Variants in PI4KA observed in about 807,000 individuals in gnomAD.
The protein encoded by PI4KA is phosphatidylinositol 4-kinase alpha, also known as PI4-kinase alpha.
In PI4KA, 122 loss-of-function variants were observed where a neutral mutation model predicts 271.4. The ratio of observed to expected loss-of-function variants is 0.45; its 90% CI spans 0.39 to 0.52. PI4KA has a LOEUF of 0.52. Among genes scored for constraint, PI4KA ranks in the 20% least tolerant of loss-of-function variants. PI4KA has a pLI of 0.00. For synonymous variants in PI4KA, 1,041 were observed against 1,078.8 expected (o/e 0.96, Z 0.69); for missense variants, 1,969 against 2,769.1 (o/e 0.71, Z 6.48).
intron 31 of PI4KA, 109 bp downstream of exon 31, chr22:20,742,497 TGG>T (rs972526444): frequency 6.5e-7 from 1 of 1,541,748 alleles, no homozygotes; most frequent in African/African-American, 1.4e-5. Flanking sequence ...ACTCCTCTAC[TGG>T]GGGAGCTCCT....
chr22:20,802,158 A>G, intron 13 of PI4KA, 53 bp from the exon 14 acceptor site: 1 of 1,540,080 alleles, frequency 6.5e-7, no homozygotes, highest in Non-Finnish European at 8.9e-7. Flanking sequence ...ATTTTCCATC[A>G]CCTTCTTTGT....
At chr22:20,734,601 G>T (rs1434205825) in intron 32 of PI4KA, 48 bp from the exon 33 acceptor site, 1 of 1,532,250 alleles carries the variant, frequency 6.5e-7, no homozygotes, top group Non-Finnish European at 8.9e-7. Flanking sequence ...CACAAAAAGG[G>T]GCTACTGTCA....
intron 29 of PI4KA, among the ~76,000 whole-genome samples, chr22:20,746,789 C>T (rs1054475387): frequency 4.6e-5 from 7 of 152,212 alleles, no homozygotes; most frequent in African/African-American, 4.8e-5. Context: ...GAGGAGAGTG[C>T]CCTGATAGCA....
At chr22:20,840,469 A>G (rs1428602217) in intron 1 of PI4KA, among the ~76,000 whole-genome samples, 2 of 152,236 alleles carry the variant, frequency 1.3e-5, no homozygotes, top group Non-Finnish European at 2.9e-5. Flanking sequence ...ACTGAAGTCT[A>G]GAAGAATCCC....
intron 13 of PI4KA, 44 bp downstream of exon 13, chr22:20,803,147 G>A: frequency 4.4e-6 from 7 of 1,605,488 alleles, no homozygotes; most frequent in Non-Finnish European, 5.1e-6. Flanking sequence ...CACAGTCACA[G>A]AGCCCCTTTC....
intron 1 of PI4KA, among the ~76,000 whole-genome samples, chr22:20,841,666 C>T (rs576264335): frequency 1.4e-4 from 21 of 152,278 alleles, no homozygotes; most frequent in Admixed American, 6.5e-4. Context: ...CCCCTGGAAG[C>T]TGTGAATATG....
chr22:20,810,889 C>A, intron 9 of PI4KA, 78 bp downstream of exon 9: 4 of 1,086,786 alleles, frequency 3.7e-6, no homozygotes, highest in Non-Finnish European at 5.7e-6. Flanking sequence ...CTCCAGCCCC[C>A]GCTCAAACTC....
rs373724450 is a variant in PI4KA, at chr22:20,819,626, G to A, written c.789+15C>T. On this transcript the variant is annotated intron_variant, in intron 6 of 54. Transcript: ENST00000255882. The stretch of plus-strand genomic sequence containing the variant: ...GTCTTTCTCCTCTGCTCTTTCCCCA[G>A]TAGCCCAGGCCCACCTGAGAGATGC... The A allele has an allele frequency of 6.2e-7, 1 of 1,610,254 alleles. No homozygotes were observed. The highest frequency in any genetic ancestry group is 8.5e-7 in the Non-Finnish European group (1 of 1,177,446).
intron 19 of PI4KA, 106 bp downstream of exon 19, chr22:20,793,087 C>T: frequency 1.3e-6 from 1 of 750,938 alleles, no homozygotes; most frequent in Non-Finnish European, 2.4e-6. Flanking sequence ...GGCATAGGGG[C>T]CTCAACACTG....
intron 29 of PI4KA, among the ~76,000 whole-genome samples, chr22:20,746,254 G>A (rs1175215603): frequency 2.0e-5 from 3 of 151,772 alleles, no homozygotes; most frequent in Non-Finnish European, 4.4e-5. Flanking sequence ...AGTAGAGACG[G>A]GGTTTCACCG....
chr22:20,732,939 C>T, intron 36 of PI4KA, 32 bp downstream of exon 36: 2 of 1,610,672 alleles, frequency 1.2e-6, no homozygotes, highest in Non-Finnish European at 1.7e-6. Flanking sequence ...CTGCCTGCCT[C>T]CACCATGAGC....
intron 19 of PI4KA, among the ~76,000 whole-genome samples, chr22:20,777,202 CTAATT>C: frequency 2.0e-5 from 3 of 151,374 alleles, no homozygotes; most frequent in Middle Eastern, 6.8e-3. Flanking sequence ...TCACACCAGG[CTAATT>C]ATTTTTCTTT....
intron 19 of PI4KA, among the ~76,000 whole-genome samples, chr22:20,771,073 T>C (rs1932851855): frequency 6.6e-6 from 1 of 151,960 alleles, no homozygotes; most frequent in African/African-American, 2.4e-5. Flanking sequence ...AAGACAAACC[T>C]TGAAACTGCA....
intron 19 of PI4KA, among the ~76,000 whole-genome samples, chr22:20,766,648 A>G (rs778373094): frequency 7.9e-5 from 12 of 152,290 alleles, no homozygotes; most frequent in Non-Finnish European, 1.6e-4. Context: ...CTGGGCAACA[A>G]GGGCGAAACT....
intron 12 of PI4KA, among the ~76,000 whole-genome samples, 191 bp downstream of exon 12, chr22:20,804,109 T>TGGCATCCTG (rs1830810988): frequency 1.3e-5 from 2 of 152,172 alleles, no homozygotes; most frequent in African/African-American, 4.8e-5. Flanking sequence ...CAGAAAGCCC[T>TGGCATCCTG]GGCATCCTGC....
chr22:20,765,453 A>G (rs1932435350), intron 20 of PI4KA, 132 bp downstream of exon 20: 2 of 761,304 alleles, frequency 2.6e-6, no homozygotes, highest in African/African-American at 1.7e-5. Flanking sequence ...ACACTTGCTA[A>G]TACTTGCAGA....
At chr22:20,723,353 A>G (rs1601335083) in intron 42 of PI4KA, among the ~76,000 whole-genome samples, 1 of 152,080 alleles carries the variant, frequency 6.6e-6, no homozygotes, top group African/African-American at 2.4e-5. Flanking sequence ...GTATAAACAA[A>G]TATGTATATA....
At chr22:20,800,982 C>G (rs1276574080) in intron 14 of PI4KA, among the ~76,000 whole-genome samples, 1 of 150,018 alleles carries the variant, frequency 6.7e-6, no homozygotes, top group East Asian at 2.1e-4. Context: ...CCTCCGCCTC[C>G]CGGGTTCAAG....
chr22:20,753,323 C>G, intron 23 of PI4KA, 143 bp from the exon 24 acceptor site: 2 of 722,880 alleles, frequency 2.8e-6, no homozygotes, highest in Non-Finnish European at 4.8e-6. Flanking sequence ...CTTCACCTAG[C>G]TTCCCTGGAT....
Sources: gnomAD v4.1 joint callset for allele counts (sites outside exome capture counted in the v4.1 genomes callset) on GRCh38, gnomAD v4.1.1 for gene constraint, MANE v1.5 for transcripts, NCBI Gene and HGNC (gene_info 2026-07-23, HGNC 2026-07-21) for gene names.